C20orf203: variants seen among roughly 807,000 people sequenced by gnomAD.
C20orf203 encodes chromosome 20 open reading frame 203.
Under a neutral mutation model 15.9 loss-of-function variants are expected in C20orf203, and 16 were observed. That is an observed-to-expected ratio of 1.01 (90% CI 0.68 to 1.53). The LOEUF is 1.53. Among genes scored for constraint, C20orf203 ranks in the 40% most tolerant of loss-of-function variants. The probability of loss-of-function intolerance (pLI) is 0.00; values close to 1 mark genes in which losing one functional copy is unlikely to be tolerated. For synonymous variants in C20orf203, 98 were observed against 97.2 expected, an observed-to-expected ratio of 1.01 and a Z score of -0.05; for missense variants, 263 against 247.5, an observed-to-expected ratio of 1.06 and a Z score of -0.42.
intron 1 of C20orf203, among the ~76,000 whole-genome samples, chr20:32,665,811 AT>A (rs869040646): frequency 3.8e-4 from 58 of 151,038 alleles, no homozygotes; most frequent in Non-Finnish European, 5.9e-4. Flanking sequence ...TTAAAAAAAA[AT>A]TTTTTTTTTA....
At chr20:32,639,645 AG>A in intron 5 of C20orf203, among the ~76,000 whole-genome samples, 3 of 139,482 alleles carry the variant, frequency 2.2e-5, no homozygotes, top group African/African-American at 7.8e-5. Flanking sequence ...AAAAAAAAAA[AG>A]TCACCGTGAG....
At chr20:32,670,392 G>T (rs1321056332) in intron 1 of C20orf203, among the ~76,000 whole-genome samples, 3 of 151,322 alleles carry the variant, frequency 2.0e-5, no homozygotes, top group Non-Finnish European at 4.4e-5. Flanking sequence ...TGTAATCTCA[G>T]CTACCTGGGA....
At chr20:32,661,288 G>C (rs146950696) in intron 1 of C20orf203, among the ~76,000 whole-genome samples, 1 of 152,184 alleles carries the variant, frequency 6.6e-6, no homozygotes. Context: ...GCTCATCTCT[G>C]TTCTCACAAA....
chr20:32,641,776 T>G (rs926318295), intron 4 of C20orf203, among the ~76,000 whole-genome samples: 9 of 152,192 alleles, frequency 5.9e-5, no homozygotes, highest in African/African-American at 2.2e-4. Flanking sequence ...TTTGGAGAAA[T>G]ATATGTTTAG....
At chr20:32,654,597 C>T (rs1982711821) in intron 1 of C20orf203, among the ~76,000 whole-genome samples, 1 of 152,172 alleles carries the variant, frequency 6.6e-6, no homozygotes, top group Non-Finnish European at 1.5e-5. Flanking sequence ...AATCCCAGCA[C>T]TTTGGGAGGC....
At chr20:32,673,274 C>T (rs1031032665) in intron 1 of C20orf203, among the ~76,000 whole-genome samples, 1 of 152,164 alleles carries the variant, frequency 6.6e-6, no homozygotes, top group Non-Finnish European at 1.5e-5. Context: ...CCTGTGGCTG[C>T]CATGGGGGAC....
intron 1 of C20orf203, chr20:32,657,498 C>CAAA (rs539373368): frequency 1.8e-4 from 28 of 151,628 alleles, no homozygotes; most frequent in African/African-American, 6.5e-4. Flanking sequence ...TCCAAAACAA[C>CAAA]AACAACAACA....
At chr20:32,671,025 AAAAAC>A (rs1983152967) in intron 1 of C20orf203, among the ~76,000 whole-genome samples, 1 of 152,006 alleles carries the variant, frequency 6.6e-6, no homozygotes, top group African/African-American at 2.4e-5. Flanking sequence ...AAAAAAAAAA[AAAAAC>A]AACAGTGTTG....
At chr20:32,641,971 G>A (rs1222497801) in intron 4 of C20orf203, among the ~76,000 whole-genome samples, 1 of 152,038 alleles carries the variant, frequency 6.6e-6, no homozygotes, top group Non-Finnish European at 1.5e-5. Flanking sequence ...TTGAGTAGTT[G>A]GGACTACAGG....
rs1339582738 is a variant in C20orf203 at position 32,650,673 on chromosome 20, AC to A, written c.343del (p.Val115TrpfsTer64). The A allele has an allele frequency of 5.2e-6, 8 of 1,540,392 alleles. No homozygotes were observed. Among genetic ancestry groups the A allele is most frequent in the African/African-American group, 1.4e-5 (1 of 70,080 alleles). The stretch of plus-strand genomic sequence containing the variant: ...CCCCACTTCCCTATCTCTCCGACCC[AC>A]CTTGCTGAGCCTGAGGCCTCCAACT... ...GEVGGLRLSKVGRRDREVGRG... is the reference protein window; with the variant it reads ...GEVGGLRLSKXGRRDREVGRG... On this transcript the variant is annotated frameshift_variant, in exon 4 of 6. Coordinates refer to ENST00000608990, the MANE Select transcript of C20orf203 (RefSeq NM_182584.4). LOFTEE classifies it high-confidence loss of function.
At position 32,638,204 on chromosome 20, in the gene C20orf203, T is replaced by C. The variant is rs142660549; in HGVS notation, c.*1299+2362A>G. Reference sequence around the variant, plus strand: ...AACAGCCTTAAAAGAAAGCCTGGACTGTAATAACCATGGCCAACATATATT... The same window carrying C: ...AACAGCCTTAAAAGAAAGCCTGGACCGTAATAACCATGGCCAACATATATT... On this transcript the variant is annotated intron_variant, in intron 5 of 5. Coordinates refer to ENST00000608990, the MANE Select transcript of C20orf203 (RefSeq NM_182584.4). Among the ~76,000 whole-genome samples, 5 of 152,336 alleles carry C rather than the reference T, an allele frequency of 3.3e-5. No individual in the cohort carries two copies. In the East Asian group the frequency reaches 5.8e-4, roughly 18 times the overall value.
At chr20:32,652,445 G>A (rs1328599196) in intron 1 of C20orf203, among the ~76,000 whole-genome samples, 1 of 151,664 alleles carries the variant, frequency 6.6e-6, no homozygotes, top group Non-Finnish European at 1.5e-5. Flanking sequence ...GCTGTGTCTT[G>A]GAGCTCAATT....
rs140820081 is a variant in C20orf203, at chr20:32,638,334, C to A, written c.*1299+2232G>T. On this transcript the variant is annotated intron_variant, in intron 5 of 5. Transcript: ENST00000608990. The stretch of plus-strand genomic sequence containing the variant: ...AATTGTCCCCATTTTGCAGATGAGG[C>A]TGGGGAGCCTAAGTGACTTGCTCAG... Among the ~76,000 whole-genome samples the A allele has an allele frequency of 4.1e-4, 62 of 152,298 alleles. 1 individual carries two copies. The highest frequency in any genetic ancestry group is 1.5e-3 in the African/African-American group (61 of 41,562).
chr20:32,666,952 T>C (rs1983052572), intron 1 of C20orf203, among the ~76,000 whole-genome samples: 1 of 151,002 alleles, frequency 6.6e-6, no homozygotes, highest in Non-Finnish European at 1.5e-5. Flanking sequence ...TACAATTTGA[T>C]ATATTTTATA....
intron 1 of C20orf203, among the ~76,000 whole-genome samples, chr20:32,662,924 T>TAG (rs1982926646): frequency 7.1e-6 from 1 of 140,552 alleles, no homozygotes; most frequent in African/African-American, 2.8e-5. Context: ...GCTAGATATA[T>TAG]ATATATAGAT....
chr20:32,656,493 T>C (rs1982756500), intron 1 of C20orf203: 1 of 152,186 alleles, frequency 6.6e-6, no homozygotes, highest in South Asian at 2.1e-4. Context: ...AGGTTATATA[T>C]AGAGTTACAT....
In C20orf203 at chr20:32,649,375, C is replaced by G. The variant is rs1191754735; in HGVS notation, c.*1057G>C. 1 of 152,450 alleles carries G rather than the reference C, an allele frequency of 6.6e-6. No homozygotes were observed. Among genetic ancestry groups the G allele is most frequent in the Non-Finnish European group, 1.5e-5 (1 of 68,236 alleles). 9.4% of individuals were successfully genotyped at this position (152,450 alleles called of 1,614,324 possible). A position where few individuals can be genotyped will look rare whatever the true frequency, so the allele number is the denominator to read the frequency against. ...TGAGACCTTGTCTCAAAAAACAAAA[C>G]AAAGCCAAACAAAACCAGACCCAAC... is the stretch of plus-strand genomic sequence containing the variant. On this transcript the variant is annotated 3_prime_UTR_variant, in exon 4 of 6. Transcript: ENST00000608990.
chr20:32,639,829 C>G (rs1264344030), intron 5 of C20orf203, among the ~76,000 whole-genome samples: 3 of 152,060 alleles, frequency 2.0e-5, no homozygotes, highest in African/African-American at 7.3e-5. Flanking sequence ...TTGAAGCATA[C>G]AGAACACACA....
chr20:32,643,141 C>G lies in C20orf203; in HGVS notation c.*1178-2454G>C, dbSNP rs1055765737. Among the ~76,000 whole-genome samples, 7 of 152,130 alleles carry G rather than the reference C, an allele frequency of 4.6e-5. No individual in the cohort carries two copies. In the East Asian group the frequency reaches 1.2e-3, roughly 25 times the overall value. ...AATGTGGCTGCTGGTGGAGGCAGCTCCAAGAACCTGTGTGGTAAAGACAGG... is the reference window on the plus strand; with the variant it reads ...AATGTGGCTGCTGGTGGAGGCAGCTGCAAGAACCTGTGTGGTAAAGACAGG... On this transcript the variant is annotated intron_variant, in intron 4 of 5. Coordinates refer to ENST00000608990, the MANE Select transcript of C20orf203 (RefSeq NM_182584.4).
Sources: gnomAD v4.1 joint callset for allele counts (sites outside exome capture counted in the v4.1 genomes callset) on GRCh38, gnomAD v4.1.1 for gene constraint, MANE v1.5 for transcripts, NCBI Gene and HGNC (gene_info 2026-07-23, HGNC 2026-07-21) for gene names.